The following RBFOX1 variants were observed in gnomAD, a reference collection of about 807,000 sequenced individuals.
RBFOX1 encodes the protein RNA binding protein fox-1 homolog 1.
In RBFOX1, 8 loss-of-function variants were observed where a neutral mutation model predicts 57.7. That is an observed-to-expected ratio of 0.14 (90% confidence interval 0.08 to 0.25). The LOEUF (loss-of-function observed/expected upper bound fraction) is 0.25, where lower values mean the gene tolerates loss of function less well. Ranked by LOEUF, RBFOX1 falls within the 10% of genes least tolerant of loss-of-function variation. The probability of loss-of-function intolerance (pLI) is 1.00; values close to 1 mark genes in which losing one functional copy is unlikely to be tolerated. For missense variants in RBFOX1, 611 were observed against 548.5 expected (o/e 1.11, Z -1.14); for synonymous variants, 326 against 222.4 (o/e 1.47, Z -4.15).
In RBFOX1 at chr16:5,928,733, G is replaced by A. The variant is rs74572819; in HGVS notation, c.351+61398G>A. ...AAAAAAAAAAAAATTCCTGAAATGC[G>A]TTCTTGGCTGCCTCAATCCTGGTAT... is the stretch of plus-strand genomic sequence containing the variant. On this transcript the variant is annotated intron_variant, in intron 4 of 19. Coordinates refer to the RBFOX1 transcript ENST00000641259. Among the ~76,000 whole-genome samples the A allele has an allele frequency of 4.1e-4, 62 of 150,632 alleles. No individual in the cohort carries two copies. In the East Asian group the frequency reaches 9.6e-3, roughly 23 times the overall value.
chr16:5,279,787 C>G (rs2063227672), intron 1 of RBFOX1, among the ~76,000 whole-genome samples: 1 of 152,208 alleles, frequency 6.6e-6, no homozygotes, highest in Non-Finnish European at 1.5e-5. Flanking sequence ...CAGGCATGAG[C>G]CACCTTGCGC....
intron 3 of RBFOX1, among the ~76,000 whole-genome samples, chr16:5,655,887 G>A (rs945715746): frequency 6.6e-6 from 1 of 152,206 alleles, no homozygotes; most frequent in Non-Finnish European, 1.5e-5. Flanking sequence ...TTGTTTTAAA[G>A]CATGTGCAAT....
chr16:6,562,880 CTTT>C (rs71145250), intron 2 of RBFOX1, among the ~76,000 whole-genome samples: 18 of 51,772 alleles, frequency 3.5e-4, no homozygotes, highest in African/African-American at 8.7e-4. Flanking sequence ...TTCTTTCTTT[CTTT>C]TTTTTTTTTT....
At chr16:5,538,808 A>G (rs1301575536) in intron 2 of RBFOX1, among the ~76,000 whole-genome samples, 1 of 151,872 alleles carries the variant, frequency 6.6e-6, no homozygotes, top group Non-Finnish European at 1.5e-5. Context: ...TTGTATTTTT[A>G]GTAGAGACAG....
chr16:6,054,317 T>G (rs1442691098), intron 1 of RBFOX1, among the ~76,000 whole-genome samples: 2 of 152,182 alleles, frequency 1.3e-5, no homozygotes, highest in Non-Finnish European at 2.9e-5. Context: ...TAGTTCAACA[T>G]AAATAATATA....
chr16:6,511,280 GGCCAGTGT>G (rs2096250758), intron 2 of RBFOX1, among the ~76,000 whole-genome samples: 1 of 152,128 alleles, frequency 6.6e-6, no homozygotes, highest in South Asian at 2.1e-4. Context: ...GGGAGGAATA[GGCCAGTGT>G]GCTGGTTCAC....
At chr16:7,156,715 T>C (rs1383320312) in intron 4 of RBFOX1, among the ~76,000 whole-genome samples, 1 of 152,196 alleles carries the variant, frequency 6.6e-6, no homozygotes, top group Non-Finnish European at 1.5e-5. Flanking sequence ...AGACATTTAA[T>C]GGATTCCTTA....
intron 3 of RBFOX1, among the ~76,000 whole-genome samples, chr16:6,926,557 A>G (rs928707321): frequency 2.6e-5 from 4 of 152,164 alleles, no homozygotes; most frequent in African/African-American, 4.8e-5. Flanking sequence ...TGCAGGGAGA[A>G]ATCCTGCAGG....
chr16:7,101,076 T>A (rs1004645351), intron 4 of RBFOX1, among the ~76,000 whole-genome samples: 2 of 152,234 alleles, frequency 1.3e-5, no homozygotes, highest in African/African-American at 2.4e-5. Context: ...AAGTTTTCAT[T>A]CAAAGAATAA....
At chr16:6,674,513 G>A (rs941652791) in intron 3 of RBFOX1, among the ~76,000 whole-genome samples, 1 of 152,026 alleles carries the variant, frequency 6.6e-6, no homozygotes, top group African/African-American at 2.4e-5. Flanking sequence ...GTAGAGACGG[G>A]GTTTCGTCAT....
chr16:6,369,419 G>C (rs187353235), intron 2 of RBFOX1, among the ~76,000 whole-genome samples: 1 of 152,272 alleles, frequency 6.6e-6, no homozygotes, highest in Non-Finnish European at 1.5e-5. Flanking sequence ...GTTTGAGAAC[G>C]TTTGTCTTAG....
intron 3 of RBFOX1, among the ~76,000 whole-genome samples, chr16:6,855,683 G>C (rs2057728689): frequency 1.3e-5 from 2 of 151,280 alleles, no homozygotes; most frequent in Admixed American, 1.3e-4. Flanking sequence ...TTTTAACTCT[G>C]GAGAGTTATC....
At chr16:7,452,749 A>G (rs1296440183) in intron 4 of RBFOX1, among the ~76,000 whole-genome samples, 2 of 152,208 alleles carry the variant, frequency 1.3e-5, no homozygotes, top group African/African-American at 4.8e-5. Context: ...ACTCCTGATC[A>G]TGGCTGCCAA....
chr16:6,637,506 C>G (rs1602271359), intron 2 of RBFOX1, among the ~76,000 whole-genome samples: 1 of 80,468 alleles, frequency 1.2e-5, no homozygotes, highest in South Asian at 4.5e-4. Flanking sequence ...ATATAATATT[C>G]TATATAGTAT....
At chr16:7,160,697 T>C (rs2078124591) in intron 4 of RBFOX1, among the ~76,000 whole-genome samples, 1 of 152,102 alleles carries the variant, frequency 6.6e-6, no homozygotes, top group African/African-American at 2.4e-5. Context: ...GGGGGGTTTT[T>C]CTGTAACTCC....
intron 2 of RBFOX1, among the ~76,000 whole-genome samples, chr16:5,478,734 C>G (rs556785052): frequency 1.3e-5 from 2 of 152,140 alleles, no homozygotes; most frequent in Admixed American, 6.5e-5. Flanking sequence ...CACGAGGCAC[C>G]TTTTCCCACT....
At chr16:7,426,299 TTTGCCTA>T (rs2098610731) in intron 4 of RBFOX1, among the ~76,000 whole-genome samples, 1 of 152,166 alleles carries the variant, frequency 6.6e-6, no homozygotes, top group Non-Finnish European at 1.5e-5. Flanking sequence ...TTACTAGCAA[TTTGCCTA>T]TAGTTGCAGC....
intron 5 of RBFOX1, among the ~76,000 whole-genome samples, chr16:7,535,533 G>T (rs1182584300): frequency 6.6e-6 from 1 of 152,288 alleles, no homozygotes; most frequent in East Asian, 1.9e-4. Flanking sequence ...TTCCATGCTG[G>T]AATTAAATTG....
intron 3 of RBFOX1, among the ~76,000 whole-genome samples, chr16:6,892,700 G>C (rs189604322): frequency 1.3e-5 from 2 of 149,396 alleles, no homozygotes; most frequent in East Asian, 4.0e-4. Context: ...TGAGAGTGAA[G>C]TACAGTGCTA....
Sources: gnomAD v4.1 joint callset for allele counts (sites outside exome capture counted in the v4.1 genomes callset) on GRCh38, gnomAD v4.1.1 for gene constraint, MANE v1.5 for transcripts, NCBI Gene and HGNC (gene_info 2026-07-23, HGNC 2026-07-21) for gene names.